The following NLGN4X variants were observed in gnomAD, a reference collection of about 807,000 sequenced individuals.
The protein encoded by NLGN4X is neuroligin-4, X-linked.
NLGN4X carries 3 observed loss-of-function variants against 40.3 expected under a neutral mutation model. That is an observed-to-expected ratio of 0.07 (90% CI 0.03 to 0.19). The LOEUF is 0.19. NLGN4X is among the 10% of genes least tolerant of loss of function. The pLI is 1.00. For missense variants in NLGN4X, 382 were observed against 708.3 expected, an observed-to-expected ratio of 0.54 and a Z score of 5.23; for synonymous variants, 270 against 306.8, an observed-to-expected ratio of 0.88 and a Z score of 1.25.
intron 1 of NLGN4X, among the ~76,000 whole-genome samples, chrX:6,158,785 G>A (rs957836456): frequency 8.9e-6 from 1 of 111,790 alleles, no homozygotes; most frequent in East Asian, 2.8e-4. Context: ...TCTTCCTGAT[G>A]CTCTCCCCTC....
intron 3 of NLGN4X, among the ~76,000 whole-genome samples, chrX:6,022,639 G>A (rs1001656612): frequency 4.5e-5 from 5 of 111,661 alleles, no homozygotes; most frequent in African/African-American, 1.6e-4. Context: ...TAACTCTTGG[G>A]AAGAACGTAT....
chrX:6,129,388 C>T (rs867968754), intron 2 of NLGN4X, among the ~76,000 whole-genome samples: 124 of 111,202 alleles, frequency 1.1e-3, no homozygotes, highest in African/African-American at 3.2e-3. Flanking sequence ...AGTGTGTGGA[C>T]CAGAGAGTAC....
At chrX:5,927,404 G>A (rs1476709563) in intron 3 of NLGN4X, among the ~76,000 whole-genome samples, 1 of 111,968 alleles carries the variant, frequency 8.9e-6, no homozygotes, top group Non-Finnish European at 1.9e-5. Context: ...GATGTAGAAT[G>A]TGTCAACAAA....
At chrX:6,205,575 C>G (rs577269863) in intron 1 of NLGN4X, among the ~76,000 whole-genome samples, 6 of 112,528 alleles carry the variant, frequency 5.3e-5, no homozygotes, top group Middle Eastern at 4.6e-3. Context: ...AGTGTTTGAT[C>G]ATTTGTTTAA....
At chrX:5,910,091 CTATTT>C (rs1385643048) in intron 3 of NLGN4X, among the ~76,000 whole-genome samples, 4 of 111,478 alleles carry the variant, frequency 3.6e-5, no homozygotes, top group African/African-American at 9.8e-5. Flanking sequence ...ATGAGTTAAT[CTATTT>C]TATTTTTTGT....
Position 6,206,704 on chromosome X carries a change from T to C in NLGN4X, c.-306+21837A>G, listed in dbSNP as rs1006928843. Among the ~76,000 whole-genome samples, 7 of 111,858 alleles carry C rather than the reference T, an allele frequency of 6.3e-5. No homozygotes were observed. The South Asian group carries it at 2.7e-3, about 42-fold the overall frequency. ...ATCATGCCAACCTTCCATCATCAGATGGCCGTCTTCACCCTGTGAGTGTCT... is the reference window on the plus strand; with the variant it reads ...ATCATGCCAACCTTCCATCATCAGACGGCCGTCTTCACCCTGTGAGTGTCT... On this transcript the variant is annotated intron_variant, in intron 1 of 5. Coordinates refer to ENST00000381095, the MANE Select transcript of NLGN4X (RefSeq NM_181332.3).
rs756663550 is a variant in NLGN4X, at chrX:6,151,095, C to G, written c.372G>C (p.Leu124=). The G allele has an allele frequency of 1.7e-6, 2 of 1,211,639 alleles. No homozygotes were observed. Among genetic ancestry groups the G allele is most frequent in the East Asian group, 5.9e-5 (2 of 33,809 alleles). ...LDERSLLHDM[L]PIWFTANLDT... ...CCAAATTGGCGGTAAACCAGATGGG[C>G]AGCATGTCATGCAGTAAGGATCTCT... The change falls in exon 2 of 6, where the codon CTG becomes CTC. Residue 124 remains leucine (L), a synonymous_variant. Transcript: ENST00000381095.
chrX:5,915,697 A>C (rs1162525761), intron 3 of NLGN4X, among the ~76,000 whole-genome samples: 3 of 110,981 alleles, frequency 2.7e-5, no homozygotes, highest in Admixed American at 9.6e-5. Context: ...ACGCCACCAC[A>C]CCCAGCTGAT....
chrX:6,051,638 C>G (rs1180457939), intron 2 of NLGN4X, among the ~76,000 whole-genome samples: 1 of 111,157 alleles, frequency 9.0e-6, no homozygotes, highest in Non-Finnish European at 1.9e-5. Context: ...ACCATGCCAA[C>G]ACCTTGATTT....
At chrX:6,035,713 C>T (rs1467785776) in intron 2 of NLGN4X, among the ~76,000 whole-genome samples, 1 of 111,463 alleles carries the variant, frequency 9.0e-6, no homozygotes, top group Non-Finnish European at 1.9e-5. Context: ...TCTTCTGCCT[C>T]TGCCACCCCT....
In NLGN4X at chrX:5,956,174, T is replaced by C. The variant is rs1032316887; in HGVS notation, c.626-46935A>G. ...TAATATATAATATGAAATATATATA[T>C]TTAATCTATATGTGTGTATATACAC... On this transcript the variant is annotated intron_variant, in intron 3 of 5. Coordinates refer to ENST00000381095, the MANE Select transcript of NLGN4X (RefSeq NM_181332.3). Among the ~76,000 whole-genome samples, 4 of 108,242 alleles carry C rather than the reference T, an allele frequency of 3.7e-5. No individual in the cohort carries two copies. The Admixed American group carries it at 4.0e-4, about 11-fold the overall frequency. The allele number at this position is 108,242 out of a possible 115,157, so 94.0% of individuals were successfully genotyped here. A position where few individuals can be genotyped will look rare whatever the true frequency, so the allele number is the denominator to read the frequency against.
chrX:6,069,905 G>C (rs1221622488), intron 2 of NLGN4X, among the ~76,000 whole-genome samples: 1 of 111,620 alleles, frequency 9.0e-6, no homozygotes, highest in East Asian at 2.8e-4. Context: ...CATTTTCATA[G>C]AATGTTGTAA....
intron 5 of NLGN4X, among the ~76,000 whole-genome samples, chrX:5,900,560 C>CTTTTTTTTTTTTTTTTTTTT (rs1163973694): frequency 4.4e-5 from 2 of 45,596 alleles, no homozygotes; most frequent in Non-Finnish European, 3.8e-5. Flanking sequence ...GTTTTTGGTG[C>CTTTTTTTTTTTTTTTTTTTT]TTTTTTTTTT....
At chrX:6,147,246 C>A (rs747576442) in intron 2 of NLGN4X, among the ~76,000 whole-genome samples, 1 of 112,123 alleles carries the variant, frequency 8.9e-6, no homozygotes, top group East Asian at 2.8e-4. Context: ...GTGTAGGTCA[C>A]TCAGGAAGTG....
chrX:6,038,838 G>T (rs1355633218), intron 2 of NLGN4X, among the ~76,000 whole-genome samples: 2 of 111,852 alleles, frequency 1.8e-5, no homozygotes. Flanking sequence ...TTGTGATGTG[G>T]GAAGAAGCTT....
chrX:6,039,894 G>A (rs2037112641), intron 2 of NLGN4X, among the ~76,000 whole-genome samples: 1 of 111,724 alleles, frequency 9.0e-6, no homozygotes, highest in African/African-American at 3.3e-5. Context: ...GCATAGCAGT[G>A]CTGCGTATGG....
rs768267134 is a variant in NLGN4X, at chrX:5,903,502, G to T, written c.1176C>A (p.Pro392=). The T allele has an allele frequency of 5.0e-6, 6 of 1,207,803 alleles. No homozygotes were observed. The highest frequency in any genetic ancestry group is 6.7e-6 in the Non-Finnish European group (6 of 892,829). The change falls in exon 5 of 6, where the codon CCC becomes CCA. Residue 392 remains proline, a synonymous_variant. Transcript: ENST00000381095. The part of the protein sequence containing the change: ...GIVDNEDGVT[P]NDFDFSVSNF... Reference sequence around the variant, plus strand: ...TGGACACGGAGAAGTCAAAGTCGTTGGGCGTCACACCGTCCTCGTTATCCA... The same window carrying T: ...TGGACACGGAGAAGTCAAAGTCGTTTGGCGTCACACCGTCCTCGTTATCCA...
intron 3 of NLGN4X, among the ~76,000 whole-genome samples, chrX:5,973,088 A>T (rs2035072579): frequency 8.9e-6 from 1 of 112,860 alleles, no homozygotes. Flanking sequence ...CAGGAAAAAA[A>T]TACCTAAGTA....
At chrX:6,042,726 T>C (rs193132991) in intron 2 of NLGN4X, among the ~76,000 whole-genome samples, 4,060 of 28,174 alleles carry the variant, frequency 0.14, 253 homozygotes, top group South Asian at 0.24. Context: ...TATATATATA[T>C]ATATACACAC....
Sources: allele counts gnomAD v4.1 joint callset (sites outside exome capture counted in the v4.1 genomes callset), GRCh38; gene constraint gnomAD v4.1.1; transcripts MANE v1.5; gene names NCBI Gene and HGNC (gene_info 2026-07-23, HGNC 2026-07-21).